TNRC6A: variants seen among roughly 807,000 people sequenced by gnomAD.
The protein encoded by TNRC6A is trinucleotide repeat containing adaptor 6A, also known as trinucleotide repeat-containing gene 6A protein.
Under a neutral mutation model 221.2 loss-of-function variants are expected in TNRC6A, and 44 were observed. The observed-to-expected ratio is 0.20, with a 90% CI of 0.16 to 0.26. The LOEUF is 0.26. Among genes scored for constraint, TNRC6A ranks in the 10% least tolerant of loss-of-function variants. TNRC6A has a pLI of 1.00. For missense variants in TNRC6A, 2,199 were observed against 2,404.4 expected (o/e 0.91, Z 1.79); for synonymous variants, 847 against 838.5 (o/e 1.01, Z -0.18).
Position 24,824,973 on chromosome 16 carries a change from TAATC to T in TNRC6A, c.*1170_*1173del, listed in dbSNP as rs1413973224. 1.3e-5 allele frequency: 2 copies of T among 152,658 alleles called. No homozygotes were observed. Among genetic ancestry groups the T allele is most frequent in the African/African-American group, 4.8e-5 (2 of 41,452 alleles). 9.5% of individuals were successfully genotyped at this position (152,658 alleles called of 1,614,324 possible). ...TTAGTGAGTGATGATGGTTTGCTAATAATCAATAGGTAATAATTTTTTGTAATCC... is the reference window on the plus strand; with the variant it reads ...TTAGTGAGTGATGATGGTTTGCTAATAATAGGTAATAATTTTTTGTAATCC... On this transcript the variant is annotated 3_prime_UTR_variant, in exon 25 of 25. Transcript: ENST00000395799.
At chr16:24,787,364 T>C (rs983628600) in intron 5 of TNRC6A, among the ~76,000 whole-genome samples, 1 of 152,198 alleles carries the variant, frequency 6.6e-6, no homozygotes, top group Non-Finnish European at 1.5e-5. Flanking sequence ...TAATTTTCCA[T>C]AAATTAACCT....
intron 4 of TNRC6A, among the ~76,000 whole-genome samples, chr16:24,772,843 C>T (rs1373337628): frequency 6.6e-6 from 1 of 152,132 alleles, no homozygotes; most frequent in Non-Finnish European, 1.5e-5. Flanking sequence ...TTATCTGATC[C>T]TGATGGACAC....
intron 7 of TNRC6A, 94 bp from the exon 8 acceptor site, chr16:24,794,450 A>G: frequency 7.4e-7 from 1 of 1,354,800 alleles, no homozygotes; most frequent in Non-Finnish European, 1.0e-6. Flanking sequence ...GTGTTTTCTT[A>G]GGTTCTCTAC....
intron 1 of TNRC6A, among the ~76,000 whole-genome samples, chr16:24,625,041 T>C (rs925592272): frequency 6.6e-6 from 1 of 152,172 alleles, no homozygotes; most frequent in African/African-American, 2.4e-5. Context: ...AGACCAGAAA[T>C]CATAGACCTG....
chr16:24,792,857 C>T (rs1385045346), intron 6 of TNRC6A, among the ~76,000 whole-genome samples: 1 of 147,638 alleles, frequency 6.8e-6, no homozygotes, highest in African/African-American at 2.5e-5. Flanking sequence ...GGCATGATCT[C>T]GGTTCACTGC....
At chr16:24,773,545 C>T (rs531815547) in intron 4 of TNRC6A, among the ~76,000 whole-genome samples, 28 of 152,236 alleles carry the variant, frequency 1.8e-4, no homozygotes, top group African/African-American at 3.6e-4. Flanking sequence ...TTTGTGCACG[C>T]GTGTACATGC....
At chr16:24,683,831 G>T (rs2055577906) in intron 2 of TNRC6A, among the ~76,000 whole-genome samples, 1 of 152,134 alleles carries the variant, frequency 6.6e-6, no homozygotes, top group Non-Finnish European at 1.5e-5. Context: ...AGGTATAAAG[G>T]TATTATAGGC....
intron 2 of TNRC6A, among the ~76,000 whole-genome samples, chr16:24,702,000 C>T (rs535742630): frequency 1.4e-3 from 214 of 152,024 alleles, no homozygotes; most frequent in Non-Finnish European, 2.4e-3. Context: ...AAAAAAAACA[C>T]GCCTCTCAAT....
intron 2 of TNRC6A, among the ~76,000 whole-genome samples, chr16:24,655,931 G>C (rs2054901602): frequency 6.6e-6 from 1 of 151,990 alleles, no homozygotes; most frequent in African/African-American, 2.4e-5. Flanking sequence ...CTTGAGGCCA[G>C]GAGTTTGAGA....
intron 4 of TNRC6A, among the ~76,000 whole-genome samples, chr16:24,771,516 C>CATGTTATGTTATGTT (rs60883844): frequency 0.14 from 11,988 of 87,494 alleles, 1,291 homozygotes; most frequent in African/African-American, 0.19. Context: ...GAGCCTGGTG[C>CATGTTATGTTATGTT]ATGTTATGTT....
chr16:24,620,804 G>A lies in TNRC6A; in HGVS notation n.276+10320G>A, dbSNP rs138383041. ...GCCTGGGCAAAAAGAGTGAAACTCC[G>A]GTCAGGCGCAGTGGCTCACGCCTGT... On this transcript the variant is annotated intron_variant and non_coding_transcript_variant, in intron 1 of 2. Coordinates refer to the TNRC6A transcript ENST00000566108. 1.5e-3 allele frequency among the ~76,000 whole-genome samples: 227 copies of A among 150,942 alleles called. 1 individual carries two copies. Among genetic ancestry groups the A allele is most frequent in the African/African-American group, 4.9e-3 (201 of 41,090 alleles).
At chr16:24,620,311 G>C (rs1900599793) in intron 1 of TNRC6A, among the ~76,000 whole-genome samples, 1 of 152,160 alleles carries the variant, frequency 6.6e-6, no homozygotes, top group South Asian at 2.1e-4. Flanking sequence ...TTGTGAGTTT[G>C]AAATAAGAGT....
chr16:24,782,470 A>G (rs933712004), intron 5 of TNRC6A, among the ~76,000 whole-genome samples: 1 of 152,212 alleles, frequency 6.6e-6, no homozygotes, highest in African/African-American at 2.4e-5. Context: ...GTTTTCACAG[A>G]CCATCTGGCT....
intron 2 of TNRC6A, among the ~76,000 whole-genome samples, chr16:24,659,784 T>C (rs917413635): frequency 6.6e-5 from 10 of 152,198 alleles, no homozygotes; most frequent in African/African-American, 2.4e-4. Context: ...TCTCTACTCT[T>C]TCTCCATTTT....
At position 24,805,706 on chromosome 16, in the gene TNRC6A, C is replaced by G. The variant is rs778635169; in HGVS notation, c.4224C>G (p.Asn1408Lys). Residue 1408 changes from asparagine (N) to lysine (K), a missense_variant, in exon 15 of 25, where the codon AAC (asparagine) becomes AAG (lysine). This residue lies in a region of TNRC6A where 449 missense variants were observed against 579.7 expected (regional missense o/e 0.77). Coordinates refer to ENST00000395799, the MANE Select transcript of TNRC6A (RefSeq NM_014494.4). ...VAMLNQLSQL[N>K]QLSQISQLQR... ...TGCTGAACCAGCTATCCCAGCTAAA[C>G]CAGCTTTCTCAGATCTCCCAGTTAC... The G allele has an allele frequency of 6.2e-7, 1 of 1,614,072 alleles. No homozygotes were observed. Among genetic ancestry groups the G allele is most frequent in the Non-Finnish European group, 8.5e-7 (1 of 1,180,028 alleles).
chr16:24,666,979 A>C (rs1407397504), intron 2 of TNRC6A, among the ~76,000 whole-genome samples: 1 of 151,000 alleles, frequency 6.6e-6, no homozygotes, highest in African/African-American at 2.4e-5. Context: ...AGCAGGGCGC[A>C]GTGGCACGTG....
intron 17 of TNRC6A, among the ~76,000 whole-genome samples, chr16:24,807,673 C>T (rs917550223): frequency 1.3e-5 from 2 of 148,476 alleles, no homozygotes; most frequent in African/African-American, 5.0e-5. Context: ...TATCTCCAGG[C>T]TTTTATTCAC....
chr16:24,670,717 G>A (rs2055278907), intron 2 of TNRC6A, among the ~76,000 whole-genome samples: 2 of 152,096 alleles, frequency 1.3e-5, no homozygotes, highest in African/African-American at 4.8e-5. Flanking sequence ...ACTGGTACAA[G>A]CTTGACCGAG....
intron 21 of TNRC6A, among the ~76,000 whole-genome samples, chr16:24,819,163 C>T (rs192426831): frequency 1.3e-5 from 2 of 152,332 alleles, no homozygotes; most frequent in African/African-American, 2.4e-5. Flanking sequence ...ACTCGTCCTG[C>T]AGCAGATTAG....
Sources: allele counts gnomAD v4.1 joint callset (sites outside exome capture counted in the v4.1 genomes callset), GRCh38; gene constraint gnomAD v4.1.1; regional missense constraint gnomAD v4.1.1; transcripts MANE v1.5; gene names NCBI Gene and HGNC (gene_info 2026-07-23, HGNC 2026-07-21).